Variants in NUP153 observed in about 807,000 individuals in gnomAD.
NUP153 encodes the protein nucleoporin 153.
A neutral mutation model predicts 134.6 loss-of-function variants in NUP153; 27 were observed. That is an observed-to-expected ratio of 0.20 (90% confidence interval 0.15 to 0.28). The LOEUF (loss-of-function observed/expected upper bound fraction) is 0.28. NUP153 is among the 10% of genes least tolerant of loss of function. The pLI is 1.00. For synonymous variants in NUP153, 640 were observed against 623.5 expected, an observed-to-expected ratio of 1.03 and a Z score of -0.40; for missense variants, 1,821 against 1,731.3, an observed-to-expected ratio of 1.05 and a Z score of -0.92.
At chr6:17,684,106 C>A (rs1362484986) in intron 2 of NUP153, among the ~76,000 whole-genome samples, 1 of 152,172 alleles carries the variant, frequency 6.6e-6, no homozygotes. Context: ...ATGAGTAAAA[C>A]CTTGAGACCA....
intron 18 of NUP153, among the ~76,000 whole-genome samples, chr6:17,626,612 T>C (rs974391964): frequency 2.0e-5 from 3 of 152,232 alleles, no homozygotes; most frequent in African/African-American, 7.2e-5. Context: ...TGTGCACTAA[T>C]TTGCAATGCT....
Position 17,706,508 on chromosome 6 carries a change from C to G in NUP153, c.-121G>C. The G allele has an allele frequency of 1.5e-6, 1 of 689,260 alleles. No individual in the cohort carries two copies. Among genetic ancestry groups the G allele is most frequent in the Non-Finnish European group, 2.4e-6 (1 of 417,218 alleles). 42.7% of individuals were successfully genotyped at this position (689,260 alleles called of 1,614,324 possible). A position where few individuals can be genotyped will look rare whatever the true frequency, so the allele number is the denominator to read the frequency against. On this transcript the variant is annotated 5_prime_UTR_variant, in exon 1 of 22. Transcript: ENST00000262077. This position sits in a 1 kb window ranked among gnomAD's most constrained non-coding sequence, Gnocchi z 5.9. Reference sequence around the variant, plus strand: ...GGCCCAAAAGTCCGCCCGCGCTGTCCACACAGTGGGCACAAGCACCCCAGG... The same window carrying G: ...GGCCCAAAAGTCCGCCCGCGCTGTCGACACAGTGGGCACAAGCACCCCAGG...
intron 5 of NUP153, among the ~76,000 whole-genome samples, chr6:17,671,849 A>C (rs1180609998): frequency 6.6e-6 from 1 of 152,144 alleles, no homozygotes; most frequent in African/African-American, 2.4e-5. Context: ...CTCTACTAAA[A>C]ATACAAAAAT....
intron 2 of NUP153, among the ~76,000 whole-genome samples, chr6:17,678,767 G>A (rs560754692): frequency 6.6e-6 from 1 of 151,612 alleles, no homozygotes; most frequent in African/African-American, 2.4e-5. Context: ...AACATACTGA[G>A]ACTTCATCTC....
chr6:17,704,291 C>CAAA (rs377303845), intron 1 of NUP153, among the ~76,000 whole-genome samples: 1 of 96,428 alleles, frequency 1.0e-5, no homozygotes, highest in South Asian at 3.7e-4. Context: ...GACTCCGTCT[C>CAAA]AAAAAAAAAA....
chr6:17,701,848 A>AGGGG (rs1561917012), intron 1 of NUP153, among the ~76,000 whole-genome samples: 10 of 90,340 alleles, frequency 1.1e-4, no homozygotes, highest in Admixed American at 2.1e-4. Context: ...GGGGGGGAAA[A>AGGGG]AAGCTAAATG....
chr6:17,624,944 C>T (rs1041560441), intron 19 of NUP153, 111 bp from the exon 20 acceptor site: 21 of 1,022,512 alleles, frequency 2.1e-5, no homozygotes, highest in Non-Finnish European at 2.2e-5. Context: ...AGACTCTTAC[C>T]TTGCTAACCA....
Position 17,680,650 on chromosome 6 carries a change from A to G in NUP153, c.335-4880T>C, listed in dbSNP as rs1340654222. ...CAAAGAATGTAATCAACAGAGTAAA[A>G]GGTCAACCTACAGGATGGGAGAAAA... is the stretch of plus-strand genomic sequence containing the variant. On this transcript the variant is annotated intron_variant, in intron 2 of 21. Transcript: ENST00000262077. This position sits in a 1 kb window ranked among gnomAD's most constrained non-coding sequence, Gnocchi z 4.5. Among the ~76,000 whole-genome samples, 1 of 152,236 alleles carries G rather than the reference A, an allele frequency of 6.6e-6. No individual in the cohort carries two copies. The highest frequency in any genetic ancestry group is 1.5e-5 in the Non-Finnish European group (1 of 68,046).
chr6:17,637,020 C>T, intron 16 of NUP153, 133 bp downstream of exon 16: 1 of 899,862 alleles, frequency 1.1e-6, no homozygotes, highest in Non-Finnish European at 1.7e-6. Context: ...ATTTTTACCT[C>T]AAGATAGTTT....
chr6:17,654,530 C>T (rs2113806319), intron 11 of NUP153, among the ~76,000 whole-genome samples: 1 of 152,226 alleles, frequency 6.6e-6, no homozygotes, highest in South Asian at 2.1e-4. Flanking sequence ...CCATGTTGGC[C>T]AGGCTGGTCT....
intron 2 of NUP153, among the ~76,000 whole-genome samples, chr6:17,682,703 G>C (rs1289595012): frequency 6.6e-6 from 1 of 152,020 alleles, no homozygotes; most frequent in East Asian, 1.9e-4. Flanking sequence ...CAGATCACTA[G>C]GTCAGGAGCT....
In NUP153 at chr6:17,646,345, C is replaced by A. The variant is rs10456802; in HGVS notation, c.1633-191G>T. On this transcript the variant is annotated intron_variant, in intron 13 of 21. Coordinates refer to ENST00000262077, the MANE Select transcript of NUP153 (RefSeq NM_005124.4). ...GCCTCGGCCTCCCGAGCAGCTGGGA[C>A]TACAGGAACTCGCCACCACACCCGG... Among the ~76,000 whole-genome samples, 36,955 of 151,682 alleles carry A rather than the reference C, an allele frequency of 0.24. 4,921 individuals are homozygous for A. Among genetic ancestry groups the A allele is most frequent in the Non-Finnish European group, 0.29 (19,669 of 67,876 alleles).
intron 2 of NUP153, among the ~76,000 whole-genome samples, chr6:17,678,352 CA>C (rs11428582): frequency 0.15 from 10,166 of 68,206 alleles, 232 homozygotes; most frequent in East Asian, 0.3. Flanking sequence ...CCCTCTGTCT[CA>C]AAAAAAAAAA....
intron 14 of NUP153, among the ~76,000 whole-genome samples, chr6:17,644,960 C>T (rs1174105576): frequency 3.3e-5 from 5 of 152,066 alleles, no homozygotes; most frequent in Non-Finnish European, 7.4e-5. Context: ...GTGGCAGGCG[C>T]CTGTGGTGCC....
intron 8 of NUP153, among the ~76,000 whole-genome samples, chr6:17,666,131 G>A (rs889158844): frequency 6.6e-6 from 1 of 152,048 alleles, no homozygotes; most frequent in Non-Finnish European, 1.5e-5. Flanking sequence ...CTGGCCCAGA[G>A]TGAATTTTAA....
chr6:17,688,347 A>G (rs1284236195), intron 2 of NUP153, 49 bp downstream of exon 2: 2 of 1,412,218 alleles, frequency 1.4e-6, no homozygotes, highest in Non-Finnish European at 2.0e-6. Flanking sequence ...CTTCAAAATT[A>G]GGGCATGAAA....
chr6:17,660,843 G>A (rs961870599), intron 11 of NUP153, among the ~76,000 whole-genome samples: 7 of 152,176 alleles, frequency 4.6e-5, no homozygotes, highest in Admixed American at 1.3e-4. Flanking sequence ...TACTGCACGT[G>A]TGCAGACAGA....
intron 20 of NUP153, among the ~76,000 whole-genome samples, chr6:17,620,094 T>TC (rs1764567646): frequency 1.2e-4 from 1 of 8,264 alleles, no homozygotes; most frequent in African/African-American, 4.3e-4. Context: ...CAAGACACCA[T>TC]CAAAAAAAAA....
At chr6:17,663,260 C>CATATATAT (rs1554141763) in intron 9 of NUP153, among the ~76,000 whole-genome samples, 92 of 140,072 alleles carry the variant, frequency 6.6e-4, no homozygotes, top group Middle Eastern at 7.1e-3. Flanking sequence ...CACACACACA[C>CATATATAT]ATATATATAT....
Sources: allele counts gnomAD v4.1 joint callset (sites outside exome capture counted in the v4.1 genomes callset), GRCh38; gene constraint gnomAD v4.1.1; non-coding constraint Gnocchi (gnomAD v3.1); transcripts MANE v1.5; gene names NCBI Gene and HGNC (gene_info 2026-07-23, HGNC 2026-07-21).